BRD10: variants seen among roughly 807,000 people sequenced by gnomAD.
The protein encoded by BRD10 is uncharacterized bromodomain-containing protein 10.
the BRD10 span, chr9:5,897,692 AG>A: frequency 6.5e-7 from 1 of 1,534,142 alleles, no homozygotes; most frequent in Non-Finnish European, 9.0e-7. Flanking sequence ...CTCCAAGTCC[AG>A]GGCCCTCTTT....
chr9:5,908,376 C>T, the BRD10 span, among the ~76,000 whole-genome samples: 1 of 152,134 alleles, frequency 6.6e-6, no homozygotes, highest in Non-Finnish European at 1.5e-5. Flanking sequence ...GAGACTTTTA[C>T]TGTCATGGAA....
chr9:5,990,252 A>C, the BRD10 span, among the ~76,000 whole-genome samples: 1 of 152,238 alleles, frequency 6.6e-6, no homozygotes, highest in Admixed American at 6.5e-5. Context: ...GTGTACTTTA[A>C]TTTATTTTAG....
chr9:5,997,291 C>T, the BRD10 span, among the ~76,000 whole-genome samples: 43 of 152,204 alleles, frequency 2.8e-4, no homozygotes, highest in Non-Finnish European at 5.9e-4. Flanking sequence ...AAGAATACCA[C>T]TCTTATTCCC....
At chr9:5,990,710 T>G in the BRD10 span, among the ~76,000 whole-genome samples, 2 of 152,132 alleles carry the variant, frequency 1.3e-5, no homozygotes, top group Non-Finnish European at 2.9e-5. Flanking sequence ...CACCAACATG[T>G]AAAGATAAAA....
the BRD10 span, among the ~76,000 whole-genome samples, chr9:5,946,906 G>A: frequency 4.6e-5 from 7 of 151,980 alleles, no homozygotes; most frequent in African/African-American, 1.7e-4. Flanking sequence ...TAGTTATGAA[G>A]TCAACAGATA....
the BRD10 span, among the ~76,000 whole-genome samples, chr9:5,897,178 C>G: frequency 1.3e-5 from 2 of 152,206 alleles, no homozygotes; most frequent in Non-Finnish European, 2.9e-5. Flanking sequence ...TCTATTTTCT[C>G]TTTGTGGGCT....
At chr9:5,949,038 C>A in the BRD10 span, among the ~76,000 whole-genome samples, 27 of 151,946 alleles carry the variant, frequency 1.8e-4, no homozygotes, top group African/African-American at 6.5e-4. Flanking sequence ...ATGTTTCTCT[C>A]AATGAACTAT....
the BRD10 span, chr9:5,921,236 G>A: frequency 1.9e-6 from 3 of 1,613,982 alleles, no homozygotes; most frequent in Non-Finnish European, 2.5e-6. Context: ...CACAGTGCCT[G>A]AAGTATTTAC....
At chr9:5,939,632 A>G in the BRD10 span, among the ~76,000 whole-genome samples, 2 of 152,268 alleles carry the variant, frequency 1.3e-5, no homozygotes, top group African/African-American at 4.8e-5. Flanking sequence ...CCTAACTTTC[A>G]AAACATCAAC....
At chr9:5,944,847 T>C in the BRD10 span, 23 of 1,228,156 alleles carry the variant, frequency 1.9e-5, no homozygotes, top group African/African-American at 6.2e-5. Flanking sequence ...CAATAATAGA[T>C]AGAACTTTTG....
At chr9:5,994,663 C>G in the BRD10 span, among the ~76,000 whole-genome samples, 1 of 152,182 alleles carries the variant, frequency 6.6e-6, no homozygotes, top group African/African-American at 2.4e-5. Context: ...CTTCTCTTAT[C>G]TCCCTGGACC....
chr9:5,889,772 G>C, the BRD10 span, among the ~76,000 whole-genome samples: 1,450 of 149,114 alleles, frequency 9.7e-3, 24 homozygotes, highest in African/African-American at 0.034. Context: ...GCGACAGAGT[G>C]AGTCTCCATC....
chr9:5,952,026 T>TTTTATTC, the BRD10 span, among the ~76,000 whole-genome samples: 1 of 149,386 alleles, frequency 6.7e-6, no homozygotes. Context: ...TTTATTTATT[T>TTTTATTC]ATTTATTTAT....
chr9:5,921,176 T>C, the BRD10 span: 4 of 1,613,830 alleles, frequency 2.5e-6, no homozygotes, highest in Middle Eastern at 1.6e-4. Flanking sequence ...ACTTTTGTCT[T>C]CTCCTTTTGG....
chr9:5,920,255 G>T, the BRD10 span: 15 of 1,613,744 alleles, frequency 9.3e-6, no homozygotes, highest in Admixed American at 3.3e-5. Context: ...TGGATTAGTA[G>T]ATATAAGGAG....
At chr9:6,007,831 G>A in the BRD10 span, 7 of 1,400,796 alleles carry the variant, frequency 5.0e-6, no homozygotes, top group East Asian at 2.9e-5. Flanking sequence ...AGCCGCTCGA[G>A]GTGCTGGGGG....
the BRD10 span, among the ~76,000 whole-genome samples, chr9:6,004,972 T>C: frequency 1.3e-5 from 2 of 152,334 alleles, no homozygotes; most frequent in Non-Finnish European, 2.9e-5. Context: ...TAATTAACTA[T>C]TTGAGGTCAT....
chr9:5,983,562 T>C, the BRD10 span, among the ~76,000 whole-genome samples: 4 of 151,944 alleles, frequency 2.6e-5, no homozygotes, highest in African/African-American at 7.3e-5. Context: ...TGAAGATATA[T>C]AAAAAACAGA....
chr9:5,897,460 G>T, the BRD10 span: 1 of 1,155,758 alleles, frequency 8.7e-7, no homozygotes. Context: ...GCTCTGGGTC[G>T]TCAAAGTCCA....
Sources: allele counts gnomAD v4.1 joint callset (sites outside exome capture counted in the v4.1 genomes callset), GRCh38; gene constraint gnomAD v4.1.1; transcripts MANE v1.5; gene names NCBI Gene and HGNC (gene_info 2026-07-23, HGNC 2026-07-21).